The following DYNLRB1 variants were observed in gnomAD, a reference collection of about 807,000 sequenced individuals.
The protein encoded by DYNLRB1 is ROBL/LC7-like 1.
A neutral mutation model predicts 13.5 loss-of-function variants in DYNLRB1; 6 were observed. That is an observed-to-expected ratio of 0.44 (90% CI 0.24 to 0.88). The LOEUF is 0.88. Ranked by LOEUF, DYNLRB1 falls within the 40% of genes least tolerant of loss-of-function variation. The pLI is 0.21. For missense variants in DYNLRB1, 93 were observed against 127.2 expected (o/e 0.73, Z 1.29); for synonymous variants, 43 against 45.0 (o/e 0.96, Z 0.18).
At chr20:34,538,639 G>C (rs1406771727) in intron 3 of DYNLRB1, among the ~76,000 whole-genome samples, 1 of 152,064 alleles carries the variant, frequency 6.6e-6, no homozygotes, top group Non-Finnish European at 1.5e-5. Context: ...TTTATCAGTG[G>C]CTTGTTAATT....
chr20:34,516,474 C>G lies in DYNLRB1; in HGVS notation c.3+13C>G. On this transcript the variant is annotated intron_variant, in intron 1 of 3. Transcript: ENST00000357156. Reference sequence around the variant, plus strand: ...TCGGTCGGAAATGGTGAGCGTGCGCCGGGGTCTTGTGGCTGGCGGCCGCCC... The same window carrying G: ...TCGGTCGGAAATGGTGAGCGTGCGCGGGGGTCTTGTGGCTGGCGGCCGCCC... 2 of 1,612,686 alleles carry G rather than the reference C, an allele frequency of 1.2e-6. No homozygotes were observed. The highest frequency in any genetic ancestry group is 1.1e-5 in the South Asian group (1 of 90,892).
In DYNLRB1 at chr20:34,540,758, C is replaced by A; in HGVS notation, c.*134C>A. On this transcript the variant is annotated 3_prime_UTR_variant, in exon 4 of 4. Coordinates refer to ENST00000357156, the MANE Select transcript of DYNLRB1 (RefSeq NM_014183.4). ...CACCAATCCAGTGACCGTGTGTGGG[C>A]TGGCGGCTCTTCTCCCCCACCAACG... is the stretch of plus-strand genomic sequence containing the variant. 1.1e-6 allele frequency: 1 copy of A among 875,798 alleles called. No individual in the cohort carries two copies. The highest frequency in any genetic ancestry group is 1.8e-6 in the Non-Finnish European group (1 of 569,474). The allele number at this position is 875,798 out of a possible 1,614,324, so 54.3% of individuals were successfully genotyped here. A position where few individuals can be genotyped will look rare whatever the true frequency, so the allele number is the denominator to read the frequency against.
intron 1 of DYNLRB1, among the ~76,000 whole-genome samples, chr20:34,523,185 A>G (rs919337906): frequency 6.6e-6 from 1 of 152,128 alleles, no homozygotes; most frequent in Non-Finnish European, 1.5e-5. Flanking sequence ...AGTTACATCA[A>G]GCAGTGAGTG....
chr20:34,516,611 G>C (rs1032301965), intron 1 of DYNLRB1, 150 bp downstream of exon 1: 1 of 1,506,396 alleles, frequency 6.6e-7, no homozygotes, highest in African/African-American at 1.4e-5. Context: ...CCGACTTGAG[G>C]GTGGAACCCG....
chr20:34,536,375 T>C (rs1278277025), intron 3 of DYNLRB1: 2 of 985,280 alleles, frequency 2.0e-6, no homozygotes, highest in African/African-American at 3.5e-5. Context: ...GGAAAAAGCC[T>C]TGGAATCAGA....
At chr20:34,516,670 C>G in intron 1 of DYNLRB1, 1 of 1,476,878 alleles carries the variant, frequency 6.8e-7, no homozygotes, top group Non-Finnish European at 9.0e-7. Flanking sequence ...CCGGATCCCG[C>G]TGCCCCTTGA....
chr20:34,535,641 CACATAGTTGAGTGTGCGTGCGTCACGTA>C, intron 3 of DYNLRB1: 2 of 985,092 alleles, frequency 2.0e-6, no homozygotes, highest in Middle Eastern at 5.2e-4. Flanking sequence ...TTGGCTGAGC[CACATAGTTGAGTGTGCGTGCGTCACGTA>C]TGCGCGTGAT....
intron 3 of DYNLRB1, chr20:34,535,283 A>G: frequency 1.0e-6 from 1 of 985,446 alleles, no homozygotes; most frequent in Non-Finnish European, 1.2e-6. Flanking sequence ...TTTATCCTTG[A>G]AAACATGTTC....
At position 34,520,175 on chromosome 20, in the gene DYNLRB1, G is replaced by A. The variant is rs140384940; in HGVS notation, c.3+3714G>A. Among the ~76,000 whole-genome samples the A allele has an allele frequency of 1.2e-3, 179 of 152,106 alleles. 1 individual carries two copies. In the East Asian group the frequency reaches 0.022, roughly 19 times the overall value. ...AAAATAATCACATATAATTCTCCTC[G>A]TCCAGTTTCACTGTGCCACATAACT... On this transcript the variant is annotated intron_variant, in intron 1 of 3. Transcript: ENST00000357156.
chr20:34,522,122 C>T (rs1386357119), intron 1 of DYNLRB1, among the ~76,000 whole-genome samples: 1 of 152,172 alleles, frequency 6.6e-6, no homozygotes, highest in Non-Finnish European at 1.5e-5. Flanking sequence ...TCCCTGTATC[C>T]TGCAAGAATC....
At chr20:34,519,693 T>A (rs1979556991) in intron 1 of DYNLRB1, among the ~76,000 whole-genome samples, 1 of 152,240 alleles carries the variant, frequency 6.6e-6, no homozygotes, top group South Asian at 2.1e-4. Flanking sequence ...ATAGTTTTTT[T>A]ATTCCAGACA....
intron 1 of DYNLRB1, among the ~76,000 whole-genome samples, chr20:34,525,206 T>C (rs1166088001): frequency 6.6e-6 from 1 of 151,214 alleles, no homozygotes; most frequent in Non-Finnish European, 1.5e-5. Flanking sequence ...TTTTGGTGAA[T>C]GGAGCCTCTG....
At chr20:34,526,800 G>A (rs1980260183) in intron 2 of DYNLRB1, among the ~76,000 whole-genome samples, 1 of 152,162 alleles carries the variant, frequency 6.6e-6, no homozygotes. Flanking sequence ...AACAAATTAA[G>A]TGCCACGACA....
chr20:34,527,493 T>G (rs1980321118), intron 2 of DYNLRB1, among the ~76,000 whole-genome samples: 1 of 152,008 alleles, frequency 6.6e-6, no homozygotes, highest in Non-Finnish European at 1.5e-5. Context: ...CTGATTTACC[T>G]GATTGGGTTC....
At chr20:34,532,648 C>T (rs986872236) in intron 2 of DYNLRB1, among the ~76,000 whole-genome samples, 1 of 152,196 alleles carries the variant, frequency 6.6e-6, no homozygotes, top group Admixed American at 6.5e-5. Context: ...TTTGCGGGGC[C>T]CTGCCATGCA....
chr20:34,528,893 G>A (rs1980475034), intron 2 of DYNLRB1, among the ~76,000 whole-genome samples: 1 of 152,072 alleles, frequency 6.6e-6, no homozygotes, highest in Admixed American at 6.6e-5. Context: ...AGGATTCCTT[G>A]AGCCCGGGAG....
intron 3 of DYNLRB1, among the ~76,000 whole-genome samples, chr20:34,538,030 C>T (rs1009025655): frequency 2.3e-5 from 3 of 130,856 alleles, no homozygotes; most frequent in South Asian, 2.5e-4. Context: ...CTCTGTTGCC[C>T]AGGCTGGAGT....
chr20:34,516,529 G>C (rs942073957), intron 1 of DYNLRB1, 68 bp downstream of exon 1: 24 of 1,600,932 alleles, frequency 1.5e-5, no homozygotes, highest in Non-Finnish European at 2.0e-5. Context: ...TCAGTCTTCC[G>C]AGGATGAGGG....
Position 34,522,469 on chromosome 20 carries a change from CTTTTTTTT to C in DYNLRB1, c.4-3784_4-3777del, listed in dbSNP as rs771811577. Among the ~76,000 whole-genome samples, 7 of 77,204 alleles carry C rather than the reference CTTTTTTTT, an allele frequency of 9.1e-5. No homozygotes were observed. In the East Asian group the frequency reaches 2.0e-3, roughly 22 times the overall value. 50.6% of individuals were successfully genotyped at this position (77,204 alleles called of 152,430 possible). A position where few individuals can be genotyped will look rare whatever the true frequency, so the allele number is the denominator to read the frequency against. On this transcript the variant is annotated intron_variant, in intron 1 of 3. Transcript: ENST00000357156. Reference sequence around the variant, plus strand: ...TTTTCTTTCTTTCTTTTTTCTTTTTCTTTTTTTTTTTTTTTTTTTTTTGATGAGTCTTA... The same window carrying C: ...TTTTCTTTCTTTCTTTTTTCTTTTTCTTTTTTTTTTTTTTGATGAGTCTTA...
Sources: gnomAD v4.1 joint callset for allele counts (sites outside exome capture counted in the v4.1 genomes callset) on GRCh38, gnomAD v4.1.1 for gene constraint, MANE v1.5 for transcripts, NCBI Gene and HGNC (gene_info 2026-07-23, HGNC 2026-07-21) for gene names.